RBFOX1: variants seen among roughly 807,000 people sequenced by gnomAD.
RBFOX1 encodes the protein RNA binding protein fox-1 homolog 1.
RBFOX1 carries 8 observed loss-of-function variants against 57.7 expected under a neutral mutation model. The observed-to-expected ratio is 0.14, with a 90% confidence interval of 0.08 to 0.25. The LOEUF (loss-of-function observed/expected upper bound fraction) is 0.25, where lower values mean the gene tolerates loss of function less well. RBFOX1 is among the 10% of genes least tolerant of loss of function. The pLI, the probability that RBFOX1 is intolerant of heterozygous loss-of-function variation, is 1.00. For synonymous variants in RBFOX1, 326 were observed against 222.4 expected (o/e 1.47, Z -4.15); for missense variants, 611 against 548.5 (o/e 1.11, Z -1.14).
chr16:6,720,225 G>T (rs1004360057), intron 3 of RBFOX1, among the ~76,000 whole-genome samples: 1 of 151,994 alleles, frequency 6.6e-6, no homozygotes, highest in Non-Finnish European at 1.5e-5. Flanking sequence ...GATACTTAAT[G>T]AAATACTGCT....
chr16:6,425,543 T>G (rs924320010), intron 2 of RBFOX1, among the ~76,000 whole-genome samples: 3 of 152,204 alleles, frequency 2.0e-5, no homozygotes, highest in Non-Finnish European at 2.9e-5. Flanking sequence ...ATAGAAAGAC[T>G]GTGACTTCAT....
chr16:6,616,382 T>G lies in RBFOX1; in HGVS notation c.-63-38221T>G, dbSNP rs1309710836. ...ACTCAAATACAGTAAAAATGTTTGGTTTTTTTTTTTTTGGCCAGGCGTGAT... is the reference window on the plus strand; with the variant it reads ...ACTCAAATACAGTAAAAATGTTTGGGTTTTTTTTTTTTGGCCAGGCGTGAT... On this transcript the variant is annotated intron_variant, in intron 2 of 15. Transcript: ENST00000550418. Among the ~76,000 whole-genome samples the G allele has an allele frequency of 2.1e-5, 3 of 142,574 alleles. No homozygotes were observed. In the Admixed American group the frequency reaches 2.1e-4, roughly 10 times the overall value. 93.5% of individuals were successfully genotyped at this position (142,574 alleles called of 152,430 possible). A position where few individuals can be genotyped will look rare whatever the true frequency, so the allele number is the denominator to read the frequency against.
chr16:6,641,048 A>T (rs113101048), intron 2 of RBFOX1, among the ~76,000 whole-genome samples: 4,257 of 152,292 alleles, frequency 0.028, 197 homozygotes, highest in African/African-American at 0.097. Flanking sequence ...ACCGTTCTGC[A>T]TCCCACTTTC....
At chr16:5,623,691 C>G (rs2048265426) in intron 3 of RBFOX1, among the ~76,000 whole-genome samples, 1 of 152,114 alleles carries the variant, frequency 6.6e-6, no homozygotes, top group Admixed American at 6.5e-5. Flanking sequence ...TACCTCCTTC[C>G]CTTTTTCTCT....
At chr16:6,880,767 T>G (rs557977627) in intron 3 of RBFOX1, among the ~76,000 whole-genome samples, 68 of 152,048 alleles carry the variant, frequency 4.5e-4, no homozygotes, top group African/African-American at 1.4e-3. Flanking sequence ...TGTATTAAAA[T>G]TATTGTTATA....
At chr16:7,636,855 G>T (rs1201475955) in intron 11 of RBFOX1, among the ~76,000 whole-genome samples, 1 of 152,264 alleles carries the variant, frequency 6.6e-6, no homozygotes, top group East Asian at 1.9e-4. Context: ...CAGAGAGAGA[G>T]AGAGGAATAG....
chr16:5,493,489 CA>C (rs1466689435), intron 2 of RBFOX1, among the ~76,000 whole-genome samples: 2 of 152,322 alleles, frequency 1.3e-5, no homozygotes, highest in Non-Finnish European at 2.9e-5. Flanking sequence ...CACGTTGAAG[CA>C]AAAAGTACCC....
intron 4 of RBFOX1, among the ~76,000 whole-genome samples, chr16:7,078,423 C>A (rs1456155684): frequency 6.6e-6 from 1 of 152,180 alleles, no homozygotes; most frequent in East Asian, 1.9e-4. Flanking sequence ...TCTTGGCTCA[C>A]TGAAACCTCC....
intron 1 of RBFOX1, among the ~76,000 whole-genome samples, chr16:5,296,996 GTA>G (rs1022635930): frequency 6.6e-6 from 1 of 152,030 alleles, no homozygotes; most frequent in Admixed American, 6.6e-5. Context: ...GATTCCACAT[GTA>G]TTTGAGATCT....
At chr16:6,457,791 C>T (rs182890963) in intron 2 of RBFOX1, among the ~76,000 whole-genome samples, 107 of 152,126 alleles carry the variant, frequency 7.0e-4, no homozygotes, top group Admixed American at 1.6e-3. Context: ...GTAATTAGTC[C>T]GTTGTTGTGT....
chr16:5,455,623 T>A (rs2068606974), intron 1 of RBFOX1, among the ~76,000 whole-genome samples: 1 of 152,202 alleles, frequency 6.6e-6, no homozygotes, highest in African/African-American at 2.4e-5. Flanking sequence ...TCATCTGGAT[T>A]CCCTTCTCTC....
upstream of RBFOX1, among the ~76,000 whole-genome samples, chr16:6,018,850 G>T (rs1470986555): frequency 6.6e-6 from 1 of 152,004 alleles, no homozygotes; most frequent in East Asian, 2.0e-4. Flanking sequence ...TGAAAGTCCT[G>T]GGCTCATTGC....
intron 4 of RBFOX1, among the ~76,000 whole-genome samples, chr16:7,338,931 G>A (rs2096842882): frequency 6.6e-6 from 1 of 152,206 alleles, no homozygotes. Flanking sequence ...AAAGACATCA[G>A]CATGCACACC....
At chr16:6,478,047 T>C (rs1219022741) in intron 2 of RBFOX1, among the ~76,000 whole-genome samples, 4 of 152,114 alleles carry the variant, frequency 2.6e-5, no homozygotes, top group African/African-American at 9.7e-5. Context: ...TAAGAGAATG[T>C]TGTGGCTGGT....
chr16:5,448,977 C>A (rs914314542), intron 1 of RBFOX1, among the ~76,000 whole-genome samples: 1 of 152,120 alleles, frequency 6.6e-6, no homozygotes, highest in Non-Finnish European at 1.5e-5. Context: ...CCACCGTCCT[C>A]CTTCCCACCA....
Position 6,915,719 on chromosome 16 carries a change from T to G in RBFOX1, c.-15-136338T>G, listed in dbSNP as rs575524987. Among the ~76,000 whole-genome samples the G allele has an allele frequency of 1.6e-3, 245 of 152,060 alleles. 4 individuals are homozygous for G. Among genetic ancestry groups the G allele is most frequent in the Admixed American group, 3.5e-3 (53 of 15,270 alleles). On this transcript the variant is annotated intron_variant, in intron 3 of 15. Transcript: ENST00000550418. ...GTGCGCACCACCATGCCTGACTAAA[T>G]TTTTCTACTTTTTGTAGAGACAGGG...
chr16:5,647,954 G>A (rs1213053009), intron 3 of RBFOX1, among the ~76,000 whole-genome samples: 1 of 152,104 alleles, frequency 6.6e-6, no homozygotes, highest in East Asian at 1.9e-4. Context: ...CCACCTCCTG[G>A]GTTCAAGATA....
At chr16:6,082,347 ATT>A (rs71142677) in intron 1 of RBFOX1, among the ~76,000 whole-genome samples, 1,112 of 41,018 alleles carry the variant, frequency 0.027, 12 homozygotes, top group African/African-American at 0.038. Flanking sequence ...CACCTGGCTA[ATT>A]TTTTTTTTTT....
intron 4 of RBFOX1, among the ~76,000 whole-genome samples, chr16:7,219,221 G>A (rs532256117): frequency 3.2e-4 from 49 of 152,302 alleles, no homozygotes; most frequent in African/African-American, 1.1e-3. Context: ...CAGGCAGCAT[G>A]CTCTACCAAT....
Sources: gnomAD v4.1 joint callset for allele counts (sites outside exome capture counted in the v4.1 genomes callset) on GRCh38, gnomAD v4.1.1 for gene constraint, MANE v1.5 for transcripts, NCBI Gene and HGNC (gene_info 2026-07-23, HGNC 2026-07-21) for gene names.